EYS: variants seen among roughly 807,000 people sequenced by gnomAD.
EYS encodes protein eyes shut homolog.
In EYS, 250 loss-of-function variants were observed where a neutral mutation model predicts 282.1. The observed-to-expected ratio is 0.89, with a 90% CI of 0.80 to 0.98. The LOEUF (loss-of-function observed/expected upper bound fraction) is 0.98. Ranked by LOEUF, EYS falls within the 50% of genes least tolerant of loss-of-function variation. The pLI, the probability that EYS is intolerant of heterozygous loss-of-function variation, is 0.00. For missense variants in EYS, 4,016 were observed against 3,709.0 expected (o/e 1.08, Z -2.15); for synonymous variants, 1,355 against 1,282.9 (o/e 1.06, Z -1.20).
intron 31 of EYS, among the ~76,000 whole-genome samples, chr6:64,100,505 T>G (rs1465038459): frequency 6.6e-6 from 1 of 152,176 alleles, no homozygotes; most frequent in Non-Finnish European, 1.5e-5. Flanking sequence ...TTATTTTTTT[T>G]TTCCACAGCA....
chr6:64,737,149 G>A (rs1772211476), intron 22 of EYS, among the ~76,000 whole-genome samples: 1 of 152,082 alleles, frequency 6.6e-6, no homozygotes, highest in Non-Finnish European at 1.5e-5. Context: ...CATTTTTTGT[G>A]ATAGAAATCT....
At chr6:64,130,473 C>A (rs1198605851) in intron 31 of EYS, among the ~76,000 whole-genome samples, 5 of 151,970 alleles carry the variant, frequency 3.3e-5, no homozygotes, top group Non-Finnish European at 1.5e-5. Context: ...CACACTGGGG[C>A]CTGTTGTGGG....
At chr6:65,232,596 C>G (rs544652170) in intron 12 of EYS, among the ~76,000 whole-genome samples, 1 of 152,198 alleles carries the variant, frequency 6.6e-6, no homozygotes, top group African/African-American at 2.4e-5. Flanking sequence ...CCCAGTTTCT[C>G]CTCTTATTAA....
chr6:64,493,651 CT>C (rs199600830), intron 26 of EYS, among the ~76,000 whole-genome samples: 13 of 150,624 alleles, frequency 8.6e-5, no homozygotes, highest in South Asian at 2.1e-4. Context: ...CCATTGTATT[CT>C]TTTTTTTTAA....
chr6:64,391,701 G>A (rs1009770024), intron 28 of EYS, among the ~76,000 whole-genome samples: 31 of 152,138 alleles, frequency 2.0e-4, no homozygotes, highest in Non-Finnish European at 4.6e-4. Context: ...TCAAGACTAG[G>A]AAGAAACTGC....
chr6:64,500,354 C>T (rs951566506), intron 26 of EYS, among the ~76,000 whole-genome samples: 2 of 151,960 alleles, frequency 1.3e-5, no homozygotes, highest in Non-Finnish European at 2.9e-5. Flanking sequence ...CTTCATGGTA[C>T]GTATCTGTTT....
Position 63,826,874 on chromosome 6 carries a change from CA to C in EYS, c.7229-20503del, listed in dbSNP as rs574119158. On this transcript the variant is annotated intron_variant, in intron 36 of 42. Coordinates refer to ENST00000503581, the MANE Select transcript of EYS (RefSeq NM_001142800.2). ...AAAAAAAAAAAAAAAAGGACAAAAA[CA>C]AAAAAAAAATACATAGGCAACAAAG... 7.7e-3 allele frequency among the ~76,000 whole-genome samples: 707 copies of C among 91,368 alleles called. 2 individuals carry two copies. The highest frequency in any genetic ancestry group is 0.021 in the African/African-American group (543 of 25,768). The allele number at this position is 91,368 out of a possible 152,430, so 59.9% of individuals were successfully genotyped here.
At chr6:65,086,429 G>T (rs1774377151) in intron 12 of EYS, among the ~76,000 whole-genome samples, 1 of 152,092 alleles carries the variant, frequency 6.6e-6, no homozygotes, top group Non-Finnish European at 1.5e-5. Context: ...AAAATTTTAG[G>T]CTTTCATGGT....
intron 12 of EYS, among the ~76,000 whole-genome samples, chr6:65,220,801 T>C (rs953205255): frequency 5.3e-5 from 8 of 152,054 alleles, no homozygotes; most frequent in African/African-American, 1.4e-4. Flanking sequence ...TGTGGAATGG[T>C]TTTGACCAAA....
At chr6:65,628,785 T>C (rs1453138649) in intron 2 of EYS, among the ~76,000 whole-genome samples, 2 of 152,082 alleles carry the variant, frequency 1.3e-5, no homozygotes, top group Non-Finnish European at 2.9e-5. Context: ...CGCGCCACCT[T>C]AAGAGCTGTA....
chr6:65,038,277 C>T (rs968804974), intron 13 of EYS, among the ~76,000 whole-genome samples: 1 of 151,478 alleles, frequency 6.6e-6, no homozygotes, highest in African/African-American at 2.4e-5. Context: ...CCTTCCCAAT[C>T]AACACTGTTA....
chr6:65,313,633 C>T (rs1769221555), intron 11 of EYS, among the ~76,000 whole-genome samples: 1 of 151,764 alleles, frequency 6.6e-6, no homozygotes, highest in Admixed American at 6.6e-5. Context: ...AGTCTACCTA[C>T]TAAATACCCT....
chr6:64,833,808 G>A (rs1485880635), intron 19 of EYS, among the ~76,000 whole-genome samples: 1 of 151,780 alleles, frequency 6.6e-6, no homozygotes, highest in Non-Finnish European at 1.5e-5. Flanking sequence ...AAGATTGAAT[G>A]GCCTAAAATT....
At chr6:65,568,854 G>T (rs1417135351) in intron 2 of EYS, among the ~76,000 whole-genome samples, 2 of 152,126 alleles carry the variant, frequency 1.3e-5, no homozygotes, top group Non-Finnish European at 2.9e-5. Flanking sequence ...AACCACATTT[G>T]CAAAAATGAT....
At position 64,405,014 on chromosome 6, in the gene EYS, T is replaced by G. The variant is rs147370662; in HGVS notation, c.5928-16174A>C. Reference sequence around the variant, plus strand: ...ATTTATTTTAAAGTTCTGGGGTACCTGTGCAGGATGTGCAGATTTGTTACA... The same window carrying G: ...ATTTATTTTAAAGTTCTGGGGTACCGGTGCAGGATGTGCAGATTTGTTACA... On this transcript the variant is annotated intron_variant, in intron 28 of 42. Coordinates refer to ENST00000503581, the MANE Select transcript of EYS (RefSeq NM_001142800.2). Among the ~76,000 whole-genome samples, 253 of 152,270 alleles carry G rather than the reference T, an allele frequency of 1.7e-3. 2 individuals are homozygous for G. The highest frequency in any genetic ancestry group is 0.013 in the South Asian group (65 of 4,818).
intron 7 of EYS, among the ~76,000 whole-genome samples, chr6:65,392,903 C>T (rs1347973792): frequency 6.6e-6 from 1 of 152,060 alleles, no homozygotes; most frequent in African/African-American, 2.4e-5. Context: ...TTCACAATAG[C>T]AAAGACTTGG....
Position 63,957,637 on chromosome 6 carries a change from A to C in EYS, c.7055+26746T>G, listed in dbSNP as rs1765881216. 1.4e-5 allele frequency among the ~76,000 whole-genome samples: 2 copies of C among 140,864 alleles called. 1 individual carries two copies. Among genetic ancestry groups the C allele is most frequent in the Non-Finnish European group, 3.2e-5 (2 of 62,034 alleles). The allele number at this position is 140,864 out of a possible 152,430, so 92.4% of individuals were successfully genotyped here. A position where few individuals can be genotyped will look rare whatever the true frequency, so the allele number is the denominator to read the frequency against. On this transcript the variant is annotated intron_variant, in intron 35 of 42. Transcript: ENST00000503581. ...TTCTTTATTCAAACTATAAATCTGA[A>C]AAATCATTTATGCTACAGCGCCTAA...
At chr6:65,264,231 C>T (rs1212334934) in intron 12 of EYS, among the ~76,000 whole-genome samples, 2 of 151,896 alleles carry the variant, frequency 1.3e-5, no homozygotes, top group East Asian at 1.9e-4. Context: ...GAAAGTGTTA[C>T]CAAAAATTCT....
At chr6:65,541,314 C>G (rs1319755111) in intron 2 of EYS, among the ~76,000 whole-genome samples, 1 of 152,086 alleles carries the variant, frequency 6.6e-6, no homozygotes, top group South Asian at 2.1e-4. Context: ...ATGAGTAAGA[C>G]TCTTTGTTGA....
Sources: allele counts gnomAD v4.1 joint callset (sites outside exome capture counted in the v4.1 genomes callset), GRCh38; gene constraint gnomAD v4.1.1; transcripts MANE v1.5; gene names NCBI Gene and HGNC (gene_info 2026-07-23, HGNC 2026-07-21).